Variants in TLL2 observed in about 807,000 individuals in gnomAD.
TLL2 encodes the protein tolloid-like protein 2.
In TLL2, 106 loss-of-function variants were observed where a neutral mutation model predicts 123.0. The ratio of observed to expected loss-of-function variants is 0.86; its 90% CI spans 0.74 to 1.01. The LOEUF is 1.01. Ranked by LOEUF, TLL2 falls within the 50% of genes least tolerant of loss-of-function variation. The pLI is 0.00. For missense variants in TLL2, 1,332 were observed against 1,336.7 expected (o/e 1.00, Z 0.06); for synonymous variants, 494 against 516.8 (o/e 0.96, Z 0.60).
chr10:96,381,185 G>A (rs1589406637), intron 16 of TLL2, among the ~76,000 whole-genome samples: 1 of 152,154 alleles, frequency 6.6e-6, no homozygotes, highest in East Asian at 1.9e-4. Flanking sequence ...CCTCTGAGGT[G>A]GCTCCTGCCC....
intron 1 of TLL2, among the ~76,000 whole-genome samples, chr10:96,496,093 G>T (rs2134111834): frequency 6.6e-6 from 1 of 152,282 alleles, no homozygotes; most frequent in South Asian, 2.1e-4. Context: ...AGCCATGTCT[G>T]GGACTCCCAA....
At chr10:96,504,240 G>C (rs892575594) in intron 1 of TLL2, among the ~76,000 whole-genome samples, 10 of 152,296 alleles carry the variant, frequency 6.6e-5, no homozygotes, top group Admixed American at 5.9e-4. Context: ...GGCTTGCAGG[G>C]AACCAAATGC....
At chr10:96,497,088 C>T (rs1847484270) in intron 1 of TLL2, among the ~76,000 whole-genome samples, 1 of 151,728 alleles carries the variant, frequency 6.6e-6, no homozygotes, top group African/African-American at 2.4e-5. Context: ...TAAAACTAGC[C>T]TGGGAAACAT....
intron 7 of TLL2, among the ~76,000 whole-genome samples, chr10:96,415,283 G>A (rs183102477): frequency 4.3e-4 from 65 of 152,202 alleles, no homozygotes; most frequent in East Asian, 1.4e-3. Context: ...CATGCTATCC[G>A]CTCCCTAGGC....
intron 2 of TLL2, among the ~76,000 whole-genome samples, chr10:96,452,455 C>G (rs1432360060): frequency 6.6e-6 from 1 of 152,222 alleles, no homozygotes; most frequent in African/African-American, 2.4e-5. Flanking sequence ...TCACGGCCAG[C>G]TAGAGCAAGG....
At chr10:96,498,172 C>T (rs1026537641) in intron 1 of TLL2, among the ~76,000 whole-genome samples, 4 of 152,144 alleles carry the variant, frequency 2.6e-5, no homozygotes, top group African/African-American at 9.7e-5. Context: ...ATGCAGGACT[C>T]ATTCTGAAGA....
intron 13 of TLL2, among the ~76,000 whole-genome samples, chr10:96,389,176 C>T (rs1476853720): frequency 6.6e-6 from 1 of 152,218 alleles, no homozygotes; most frequent in Non-Finnish European, 1.5e-5. Context: ...GCCGATCTTC[C>T]TCCAATAAAT....
chr10:96,416,910 CAA>C (rs1846568230), intron 7 of TLL2, among the ~76,000 whole-genome samples: 1 of 152,194 alleles, frequency 6.6e-6, no homozygotes, highest in Non-Finnish European at 1.5e-5. Context: ...AGTTCTGAAA[CAA>C]AGAGGCCCCT....
intron 13 of TLL2, among the ~76,000 whole-genome samples, chr10:96,394,243 C>A (rs1400963018): frequency 2.6e-5 from 4 of 152,064 alleles, no homozygotes; most frequent in African/African-American, 9.7e-5. Flanking sequence ...GAAGTGGGGT[C>A]ACTGATTAAG....
intron 7 of TLL2, among the ~76,000 whole-genome samples, chr10:96,416,642 T>C (rs1423663405): frequency 6.6e-6 from 1 of 152,190 alleles, no homozygotes; most frequent in Non-Finnish European, 1.5e-5. Context: ...CTAAGAACAT[T>C]GCAGACTTCA....
chr10:96,473,633 T>C (rs1422638199), intron 2 of TLL2, among the ~76,000 whole-genome samples: 2 of 152,088 alleles, frequency 1.3e-5, no homozygotes, highest in Non-Finnish European at 2.9e-5. Flanking sequence ...ATTTCTTAAA[T>C]AGAGATGGAC....
rs547216826 is a variant in TLL2 at position 96,365,364 on chromosome 10, T to G, written c.*2724A>C. 107 of 152,326 alleles carry G rather than the reference T, an allele frequency of 7.0e-4. No individual in the cohort carries two copies. Among genetic ancestry groups the G allele is most frequent in the African/African-American group, 2.3e-3 (95 of 41,576 alleles). 9.4% of individuals were successfully genotyped at this position (152,326 alleles called of 1,614,324 possible). On this transcript the variant is annotated 3_prime_UTR_variant, in exon 21 of 21. Transcript: ENST00000357947. ...TTTGAAGAAATTCCACTGGCTAAAG[T>G]TAATTCCAGATTTTTTCCTGCCCTG...
In TLL2 at chr10:96,373,796, A is replaced by T. The variant is rs755246155; in HGVS notation, c.2462T>A (p.Phe821Tyr). 6.2e-7 allele frequency: 1 copy of T among 1,613,632 alleles called. No homozygotes were observed. The highest frequency in any genetic ancestry group is 8.5e-7 in the Non-Finnish European group (1 of 1,180,028). ...ACATTCCTGGTGCTGCTCGATCTCA[A>T]ACTCATTAAAGGTCTGGGGACAGAA... Reference protein sequence around the residue: ...GHRVKLTFNEFEIEQHQECAY... With the variant: ...GHRVKLTFNEYEIEQHQECAY... The change falls in exon 19 of 21, where the codon TTT (phenylalanine) becomes TAT (tyrosine). Residue 821 changes from phenylalanine to tyrosine, a missense_variant. Coordinates refer to ENST00000357947, the MANE Select transcript of TLL2 (RefSeq NM_012465.4).
chr10:96,505,510 C>G (rs544143010), intron 1 of TLL2, among the ~76,000 whole-genome samples: 3 of 152,330 alleles, frequency 2.0e-5, no homozygotes, highest in Non-Finnish European at 2.9e-5. Context: ...ATTCTAAGTG[C>G]TTTCTCTGTA....
intron 3 of TLL2, 152 bp downstream of exon 3, chr10:96,445,939 G>C: frequency 3.9e-6 from 3 of 764,240 alleles, no homozygotes; most frequent in South Asian, 1.7e-5. Context: ...AAAAGTTCTG[G>C]AACTCAATAG....
intron 1 of TLL2, among the ~76,000 whole-genome samples, chr10:96,500,013 C>A (rs573969302): frequency 2.6e-4 from 40 of 151,156 alleles, no homozygotes; most frequent in African/African-American, 9.7e-4. Context: ...GGGTACGATG[C>A]CTCACACCTG....
chr10:96,510,332 C>T (rs972012088), intron 1 of TLL2, among the ~76,000 whole-genome samples: 1 of 152,198 alleles, frequency 6.6e-6, no homozygotes, highest in East Asian at 1.9e-4. Context: ...CAGAGAACAC[C>T]CCCCAGAAGC....
chr10:96,492,538 T>C (rs1812318), intron 1 of TLL2, among the ~76,000 whole-genome samples: 64,520 of 151,738 alleles, frequency 0.43, 14,173 homozygotes, highest in East Asian at 0.73. Context: ...GCAGTAAAAT[T>C]GCTTGAACCC....
rs1187568943 is a variant in TLL2 at position 96,364,826 on chromosome 10, G to C, written c.*3262C>G. ...CTCTTCAGAAGTTCGGTCTACAAAA[G>C]AAACTTTAAAAACATCTGCTAAAGC... On this transcript the variant is annotated 3_prime_UTR_variant, in exon 21 of 21. Coordinates refer to ENST00000357947, the MANE Select transcript of TLL2 (RefSeq NM_012465.4). 2.0e-5 allele frequency: 3 copies of C among 152,458 alleles called. No individual in the cohort carries two copies. The highest frequency in any genetic ancestry group is 4.4e-5 in the Non-Finnish European group (3 of 68,012). 9.4% of individuals were successfully genotyped at this position (152,458 alleles called of 1,614,324 possible).
Sources: gnomAD v4.1 joint callset for allele counts (sites outside exome capture counted in the v4.1 genomes callset) on GRCh38, gnomAD v4.1.1 for gene constraint, MANE v1.5 for transcripts, NCBI Gene and HGNC (gene_info 2026-07-23, HGNC 2026-07-21) for gene names.